The following TEC variants were observed in gnomAD, a reference collection of about 807,000 sequenced individuals.
TEC encodes tec protein tyrosine kinase, also known as tyrosine-protein kinase Tec.
Under a neutral mutation model 93.0 loss-of-function variants are expected in TEC, and 72 were observed. That is an observed-to-expected ratio of 0.77 (90% CI 0.64 to 0.94). The LOEUF (loss-of-function observed/expected upper bound fraction) is 0.94, where lower values mean the gene tolerates loss of function less well. Among genes scored for constraint, TEC ranks in the 40% least tolerant of loss-of-function variants. The probability of loss-of-function intolerance (pLI) is 0.00; values close to 1 mark genes in which losing one functional copy is unlikely to be tolerated. For missense variants in TEC, 630 were observed against 757.9 expected (o/e 0.83, Z 1.98); for synonymous variants, 249 against 247.7 (o/e 1.01, Z -0.05).
intron 2 of TEC, among the ~76,000 whole-genome samples, chr4:48,209,815 C>T (rs1722836535): frequency 6.6e-6 from 1 of 152,204 alleles, no homozygotes; most frequent in Admixed American, 6.5e-5. Flanking sequence ...AGTAGAGACA[C>T]ACCACTTTGT....
chr4:48,168,589 CTT>C lies in TEC; in HGVS notation c.490_491del (p.Lys164GlufsTer15). The C allele has an allele frequency of 6.2e-7, 1 of 1,608,804 alleles. No individual in the cohort carries two copies. The highest frequency in any genetic ancestry group is 8.5e-7 in the Non-Finnish European group (1 of 1,178,702). On this transcript the variant is annotated frameshift_variant, in exon 6 of 18. Coordinates refer to ENST00000381501, the MANE Select transcript of TEC (RefSeq NM_003215.3). LOFTEE classifies it high-confidence loss of function. ...TCAAAAGCTAAAGACCACCTACCTTCTTTGTTTCTGGTGCTGGAGGTAGTGCT... is the reference window on the plus strand; with the variant it reads ...TCAAAAGCTAAAGACCACCTACCTTCTGTTTCTGGTGCTGGAGGTAGTGCT... ...RKALPPAPETKKRRPPPPIPL... is the reference protein window; with the variant it reads ...RKALPPAPETXKRRPPPPIPL...
Position 48,239,798 on chromosome 4 carries a change from C to T in TEC, c.-45-11139G>A, listed in dbSNP as rs187458640. Among the ~76,000 whole-genome samples the T allele has an allele frequency of 1.7e-3, 253 of 152,086 alleles. 2 individuals are homozygous for T. The highest frequency in any genetic ancestry group is 0.014 in the South Asian group (69 of 4,798). ...AGAACAAAAATAAAAGAGAGAGATT[C>T]AGGAGGGTCTGACATATATTTAGTC... On this transcript the variant is annotated intron_variant, in intron 1 of 17. Coordinates refer to ENST00000381501, the MANE Select transcript of TEC (RefSeq NM_003215.3).
chr4:48,252,767 G>C (rs962468888), intron 1 of TEC, among the ~76,000 whole-genome samples: 7 of 152,152 alleles, frequency 4.6e-5, no homozygotes, highest in Non-Finnish European at 1.0e-4. Flanking sequence ...AGGAGCTGTG[G>C]GATGATAACA....
chr4:48,239,574 TG>T (rs1723872295), intron 1 of TEC, among the ~76,000 whole-genome samples: 1 of 152,220 alleles, frequency 6.6e-6, no homozygotes. Flanking sequence ...AAAGAATGTT[TG>T]GAAATTATAT....
intron 4 of TEC, 94 bp from the exon 5 acceptor site, chr4:48,170,470 G>T: frequency 1.1e-6 from 1 of 887,556 alleles, no homozygotes; most frequent in Non-Finnish European, 1.7e-6. Flanking sequence ...TTATTTCTTG[G>T]ACACTATGTT....
chr4:48,204,301 C>T (rs548732839), intron 2 of TEC, among the ~76,000 whole-genome samples: 92 of 152,288 alleles, frequency 6.0e-4, no homozygotes, highest in African/African-American at 2.0e-3. Context: ...GCCTAAGTGA[C>T]CAGCTCCCAG....
chr4:48,143,729 A>G (rs1289024135), intron 14 of TEC, among the ~76,000 whole-genome samples: 1 of 152,316 alleles, frequency 6.6e-6, no homozygotes, highest in Middle Eastern at 3.4e-3. Context: ...GGGACTTTAG[A>G]GCCAAACTTC....
chr4:48,167,213 T>C (rs1018691590), intron 7 of TEC, among the ~76,000 whole-genome samples: 4 of 152,134 alleles, frequency 2.6e-5, no homozygotes, highest in African/African-American at 9.7e-5. Context: ...GCTGTTTAAT[T>C]TCCTGCATGT....
At chr4:48,168,221 A>G (rs1051626748) in intron 6 of TEC, among the ~76,000 whole-genome samples, 13 of 151,854 alleles carry the variant, frequency 8.6e-5, no homozygotes, top group South Asian at 4.2e-4. Flanking sequence ...ACTATACCCC[A>G]CTCCTGAAAG....
intron 2 of TEC, among the ~76,000 whole-genome samples, chr4:48,227,778 G>A (rs1723521142): frequency 6.6e-6 from 1 of 151,954 alleles, no homozygotes; most frequent in African/African-American, 2.4e-5. Context: ...TAGCAGAGAA[G>A]GCAGTATGTG....
At chr4:48,227,405 G>T (rs1371801439) in intron 2 of TEC, among the ~76,000 whole-genome samples, 1 of 152,088 alleles carries the variant, frequency 6.6e-6, no homozygotes, top group African/African-American at 2.4e-5. Flanking sequence ...CAGTTTGGGA[G>T]GCCCAGGTGG....
chr4:48,161,048 T>C (rs561178506), intron 8 of TEC, among the ~76,000 whole-genome samples: 2 of 152,182 alleles, frequency 1.3e-5, no homozygotes, highest in African/African-American at 4.8e-5. Context: ...TGTGAATTAG[T>C]TTTTCAGATT....
chr4:48,255,058 G>C (rs1724304527), intron 1 of TEC, among the ~76,000 whole-genome samples: 1 of 152,130 alleles, frequency 6.6e-6, no homozygotes, highest in Non-Finnish European at 1.5e-5. Context: ...GTATAAGCAG[G>C]GTTCTTTCAA....
rs188509646 is a variant in TEC, at chr4:48,197,662, G to T, written c.139-21476C>A. Among the ~76,000 whole-genome samples, 207 of 152,292 alleles carry T rather than the reference G, an allele frequency of 1.4e-3. 2 individuals carry two copies. The highest frequency in any genetic ancestry group is 4.9e-3 in the African/African-American group (202 of 41,558). On this transcript the variant is annotated intron_variant, in intron 2 of 17. Transcript: ENST00000381501. ...AAGCTGTACAAACCTTGTTATACTA[G>T]TCCTTATCTTGCTACTTTTCCACAA... is the stretch of plus-strand genomic sequence containing the variant.
intron 1 of TEC, among the ~76,000 whole-genome samples, chr4:48,229,151 T>C (rs1361098611): frequency 6.6e-6 from 1 of 152,174 alleles, no homozygotes. Flanking sequence ...CTGATAAGGA[T>C]GTAATCTCAA....
rs924159131 is a variant in TEC, at chr4:48,185,864, C to G, written c.139-9678G>C. 1.3e-4 allele frequency among the ~76,000 whole-genome samples: 15 copies of G among 119,500 alleles called. No homozygotes were observed. In the South Asian group the frequency reaches 4.3e-3, roughly 34 times the overall value. The allele number at this position is 119,500 out of a possible 152,430, so 78.4% of individuals were successfully genotyped here. On this transcript the variant is annotated intron_variant, in intron 2 of 17. Coordinates refer to ENST00000381501, the MANE Select transcript of TEC (RefSeq NM_003215.3). The stretch of plus-strand genomic sequence containing the variant: ...CTCCCTCTCCCTCTCCCGTCTCCCT[C>G]TCCCTCTCACCGGTCTCCCTCTGAT...
chr4:48,224,273 T>C (rs957295371), intron 2 of TEC, among the ~76,000 whole-genome samples: 23 of 152,214 alleles, frequency 1.5e-4, no homozygotes, highest in African/African-American at 5.5e-4. Context: ...TTCTAAAAAT[T>C]CCTGATTTCT....
intron 2 of TEC, among the ~76,000 whole-genome samples, chr4:48,178,763 C>T (rs139438403): frequency 7.0e-4 from 107 of 152,286 alleles, no homozygotes; most frequent in African/African-American, 2.3e-3. Flanking sequence ...TGCCTACAGA[C>T]GCATTCAGGG....
intron 3 of TEC, among the ~76,000 whole-genome samples, chr4:48,175,576 G>A (rs1043847779): frequency 3.3e-4 from 50 of 152,146 alleles, no homozygotes; most frequent in African/African-American, 9.9e-4. Context: ...CTCCTCTTCT[G>A]GAGAGGAGAT....
Sources: allele counts gnomAD v4.1 joint callset (sites outside exome capture counted in the v4.1 genomes callset), GRCh38; gene constraint gnomAD v4.1.1; transcripts MANE v1.5; gene names NCBI Gene and HGNC (gene_info 2026-07-23, HGNC 2026-07-21).